The following DNAH12 variants were observed in gnomAD, a reference collection of about 807,000 sequenced individuals.
DNAH12 encodes the protein dynein axonemal heavy chain 12.
A neutral mutation model predicts 371.5 loss-of-function variants in DNAH12; 285 were observed. That is an observed-to-expected ratio of 0.77 (90% CI 0.70 to 0.85). The LOEUF (loss-of-function observed/expected upper bound fraction) is 0.85. Among genes scored for constraint, DNAH12 ranks in the 40% least tolerant of loss-of-function variants. The probability of loss-of-function intolerance (pLI) is 0.00; values close to 1 mark genes in which losing one functional copy is unlikely to be tolerated. For missense variants in DNAH12, 3,611 were observed against 3,689.4 expected, an observed-to-expected ratio of 0.98 and a Z score of 0.55; for synonymous variants, 1,200 against 1,213.0, an observed-to-expected ratio of 0.99 and a Z score of 0.22.
At chr3:57,371,247 T>G (rs2063163639) in intron 55 of DNAH12, among the ~76,000 whole-genome samples, 1 of 151,904 alleles carries the variant, frequency 6.6e-6, no homozygotes, top group South Asian at 2.1e-4. Flanking sequence ...TGAAGTTTAG[T>G]TTTTTTTATT....
At chr3:57,333,784 T>TC (rs2062162246) in intron 62 of DNAH12, among the ~76,000 whole-genome samples, 1 of 152,138 alleles carries the variant, frequency 6.6e-6, no homozygotes, top group Non-Finnish European at 1.5e-5. Context: ...ATCTAACTCA[T>TC]CAACAATGTG....
At chr3:57,520,075 T>TGGAGCCGGGTCG (rs11271610) in intron 4 of DNAH12, 1 of 577,530 alleles carries the variant, frequency 1.7e-6, no homozygotes, top group Non-Finnish European at 3.1e-6. Context: ...GGCGGCTCTG[T>TGGAGCCGGGTCG]GGCTACAGCG....
chr3:57,356,584 G>C (rs906430668), intron 59 of DNAH12, among the ~76,000 whole-genome samples: 1 of 151,980 alleles, frequency 6.6e-6, no homozygotes, highest in African/African-American at 2.4e-5. Context: ...TAAATCATGT[G>C]CCTGCCTCAT....
chr3:57,424,261 G>C (rs1189488650), intron 35 of DNAH12, among the ~76,000 whole-genome samples: 1 of 151,592 alleles, frequency 6.6e-6, no homozygotes, highest in Non-Finnish European at 1.5e-5. Context: ...CCTGAGGTCA[G>C]GAGTTCAAGA....
intron 71 of DNAH12, 104 bp from the exon 72 acceptor site, chr3:57,296,539 G>C: frequency 2.3e-6 from 2 of 881,498 alleles, no homozygotes; most frequent in Non-Finnish European, 3.4e-6. Context: ...AAACTCTATT[G>C]TATAATAGCT....
intron 13 of DNAH12, among the ~76,000 whole-genome samples, chr3:57,474,545 G>A (rs746957241): frequency 2.6e-5 from 4 of 152,120 alleles, no homozygotes; most frequent in Admixed American, 6.5e-5. Context: ...ATCCACCCAC[G>A]TCGGCCTCCC....
chr3:57,545,500 G>GT (rs1408552301), upstream of DNAH12, among the ~76,000 whole-genome samples: 6 of 151,462 alleles, frequency 4.0e-5, no homozygotes, highest in African/African-American at 9.7e-5. Flanking sequence ...AGATTAGACA[G>GT]TTTTTTTAAT....
rs530775051 is a variant in DNAH12 at position 57,519,183 on chromosome 3, C to T, written c.279+4400G>A. ...GAACATCTTTCGCGTGCTTATTTGCCATCCGTGTATCCTCTATGGTAAAAT... is the reference window on the plus strand; with the variant it reads ...GAACATCTTTCGCGTGCTTATTTGCTATCCGTGTATCCTCTATGGTAAAAT... On this transcript the variant is annotated intron_variant, in intron 4 of 73. Transcript: ENST00000495027. Among the ~76,000 whole-genome samples, 19 of 152,278 alleles carry T rather than the reference C, an allele frequency of 1.2e-4. No homozygotes were observed. The South Asian group carries it at 3.9e-3, about 32-fold the overall frequency.
chr3:57,515,094 G>A (rs2153395526), intron 4 of DNAH12, among the ~76,000 whole-genome samples: 1 of 152,212 alleles, frequency 6.6e-6, no homozygotes, highest in East Asian at 1.9e-4. Flanking sequence ...GGATGTTACT[G>A]GAATAGGAGG....
chr3:57,507,747 G>T lies in DNAH12; in HGVS notation c.793C>A (p.Pro265Thr). The stretch of plus-strand genomic sequence containing the variant: ...TTGGTAAAGAGATTTATAACCTTTG[G>T]ATACCATGTATTCATTATCTTCTCT... ...AEEKIMNTWY[P>T]KVINLFTKKE... The change falls in exon 8 of 74, where the codon CCA (proline) becomes ACA (threonine). Residue 265 changes from proline (P) to threonine (T), a missense_variant. Pro to Thr is a conservative substitution (Grantham distance 38). Around this residue, in one of 3 missense-constraint regions of DNAH12, gnomAD observed 1,314 missense variants for 1,398.7 expected, o/e 0.94. Transcript: ENST00000495027. 1 of 1,611,374 alleles carries T rather than the reference G, an allele frequency of 6.2e-7. No individual in the cohort carries two copies. The highest frequency in any genetic ancestry group is 8.5e-7 in the Non-Finnish European group (1 of 1,179,560).
chr3:57,476,864 A>C (rs2066545550), intron 13 of DNAH12, among the ~76,000 whole-genome samples: 1 of 152,206 alleles, frequency 6.6e-6, no homozygotes, highest in Admixed American at 6.5e-5. Context: ...ACTATAAAAG[A>C]AAAAATATTT....
At chr3:57,507,937 T>G (rs953701740) in intron 7 of DNAH12, 99 bp from the exon 8 acceptor site, 45 of 1,107,976 alleles carry the variant, frequency 4.1e-5, no homozygotes, top group South Asian at 1.9e-4. Flanking sequence ...ACCTGTAATC[T>G]CAGCACTTTG....
chr3:57,436,901 ACC>A, intron 30 of DNAH12, 48 bp downstream of exon 30: 1 of 1,229,722 alleles, frequency 8.1e-7, no homozygotes, highest in Non-Finnish European at 1.1e-6. Flanking sequence ...TAGTTGTTTT[ACC>A]AGCTTAATTA....
chr3:57,434,454 T>C (rs2065057675), intron 30 of DNAH12, among the ~76,000 whole-genome samples: 1 of 152,184 alleles, frequency 6.6e-6, no homozygotes, highest in Non-Finnish European at 1.5e-5. Context: ...CCTGGTAACC[T>C]ACTATATATA....
chr3:57,462,077 C>T (rs73076481), intron 18 of DNAH12, among the ~76,000 whole-genome samples: 1,751 of 152,240 alleles, frequency 0.012, 21 homozygotes, highest in South Asian at 0.05. Flanking sequence ...ACATACATAT[C>T]ACATGCCACA....
intron 62 of DNAH12, among the ~76,000 whole-genome samples, chr3:57,326,394 G>A (rs1347942638): frequency 6.6e-6 from 1 of 152,166 alleles, no homozygotes; most frequent in Non-Finnish European, 1.5e-5. Context: ...AAGAGAGTGG[G>A]GGCCAATATT....
intron 59 of DNAH12, 57 bp from the exon 60 acceptor site, chr3:57,352,282 A>G (rs1409560409): frequency 6.8e-7 from 1 of 1,467,176 alleles, no homozygotes; most frequent in East Asian, 2.5e-5. Flanking sequence ...AATATAAGCA[A>G]TGTGAATTAA....
chr3:57,334,616 G>GA lies in DNAH12; in HGVS notation c.9834-8dup, dbSNP rs1265231303. ...ATGTTCACAAAAATGTTGCCTAATAGAAAAAAGCTTAAGAATTATTCTTTT... is the reference window on the plus strand; with the variant it reads ...ATGTTCACAAAAATGTTGCCTAATAGAAAAAAAGCTTAAGAATTATTCTTTT... On this transcript the variant is annotated splice_polypyrimidine_tract_variant and splice_region_variant and intron_variant, in intron 61 of 73. Coordinates refer to ENST00000495027, the MANE Select transcript of DNAH12 (RefSeq NM_001366028.2). 2 of 1,529,292 alleles carry GA rather than the reference G, an allele frequency of 1.3e-6. No homozygotes were observed. Among genetic ancestry groups the GA allele is most frequent in the African/African-American group, 1.4e-5 (1 of 71,554 alleles). 94.7% of individuals were successfully genotyped at this position (1,529,292 alleles called of 1,614,324 possible).
intron 60 of DNAH12, among the ~76,000 whole-genome samples, chr3:57,350,165 A>T (rs1201876357): frequency 1.3e-5 from 2 of 151,978 alleles, no homozygotes; most frequent in East Asian, 3.9e-4. Flanking sequence ...GGGATAAGAG[A>T]CTACACATTA....
Sources: allele counts gnomAD v4.1 joint callset (sites outside exome capture counted in the v4.1 genomes callset), GRCh38; gene constraint gnomAD v4.1.1; regional missense constraint gnomAD v4.1.1; transcripts MANE v1.5; gene names NCBI Gene and HGNC (gene_info 2026-07-23, HGNC 2026-07-21).